Variants in SRF observed in about 807,000 individuals in gnomAD.
SRF encodes c-fos serum response element-binding transcription factor.
Under a neutral mutation model 37.1 loss-of-function variants are expected in SRF, and 7 were observed. That is an observed-to-expected ratio of 0.19 (90% CI 0.11 to 0.35). The LOEUF (loss-of-function observed/expected upper bound fraction) is 0.35. Ranked by LOEUF, SRF falls within the 10% of genes least tolerant of loss-of-function variation. SRF has a pLI of 1.00. For missense variants in SRF, 395 were observed against 694.4 expected, an observed-to-expected ratio of 0.57 and a Z score of 4.85; for synonymous variants, 285 against 310.1, an observed-to-expected ratio of 0.92 and a Z score of 0.85.
In SRF at chr6:43,171,727, G is replaced by A. The variant is rs1283795524; in HGVS notation, c.71G>A (p.Arg24Gln). Reference sequence around the variant, plus strand: ...TCGGCCCTGGGGGGCAGCCTGAACCGGACCCCGACGGGGCGGCCGGGCGGC... The same window carrying A: ...TCGGCCCTGGGGGGCAGCCTGAACCAGACCCCGACGGGGCGGCCGGGCGGC... ...RGSALGGSLN[R>Q]TPTGRPGGGG... The change falls in exon 1 of 7, where the codon CGG becomes CAG. Residue 24 changes from arginine to glutamine, a missense_variant. This residue lies in a region of SRF where 134 missense variants were observed against 204.5 expected (regional missense o/e 0.66). Coordinates refer to ENST00000265354, the MANE Select transcript of SRF (RefSeq NM_003131.4). The surrounding 1 kb of genome is among the most constrained non-coding windows in gnomAD (Gnocchi z 6.5). The A allele has an allele frequency of 1.7e-6, 2 of 1,203,706 alleles. No individual in the cohort carries two copies. The highest frequency in any genetic ancestry group is 2.1e-6 in the Non-Finnish European group (2 of 969,470). The allele number at this position is 1,203,706 out of a possible 1,614,324, so 74.6% of individuals were successfully genotyped here.
chr6:43,175,579 G>A, intron 2 of SRF, 127 bp from the exon 3 acceptor site: 1 of 1,247,442 alleles, frequency 8.0e-7, no homozygotes, highest in Non-Finnish European at 1.1e-6. Context: ...CAGGCATCAG[G>A]TAAATGGTGG....
At position 43,180,146 on chromosome 6, in the gene SRF, G is replaced by C. The variant is rs1772282231; in HGVS notation, c.*956G>C. On this transcript the variant is annotated 3_prime_UTR_variant, in exon 7 of 7. Transcript: ENST00000265354. ...GGGTTGTTTCCAGGAGAAAGCCGGG[G>C]GAGGGGCCCTCAGGCCATTCCCCAA... 2.0e-5 allele frequency: 3 copies of C among 152,404 alleles called. No homozygotes were observed. The South Asian group carries it at 6.2e-4, about 32-fold the overall frequency. 9.4% of individuals were successfully genotyped at this position (152,404 alleles called of 1,614,324 possible).
chr6:43,174,594 G>A (rs1692009936), intron 2 of SRF, among the ~76,000 whole-genome samples: 1 of 152,238 alleles, frequency 6.6e-6, no homozygotes, highest in South Asian at 2.1e-4. Flanking sequence ...GTTAGGGAGC[G>A]CATTTGCCTG....
Position 43,179,001 on chromosome 6 carries a change from C to T in SRF, c.1432-94C>T, listed in dbSNP as rs1389579579. The T allele has an allele frequency of 2.5e-6, 4 of 1,570,700 alleles. No individual in the cohort carries two copies. Among genetic ancestry groups the T allele is most frequent in the East Asian group, 4.5e-5 (2 of 44,632 alleles). On this transcript the variant is annotated intron_variant, in intron 6 of 6. Transcript: ENST00000265354. This position sits in a 1 kb window ranked among gnomAD's most constrained non-coding sequence, Gnocchi z 5.3. ...CTAGCCTGGAAGCCCATCTGCTTTT[C>T]TGCTCAGGCCTGTGGTTGGCAGGCA... is the stretch of plus-strand genomic sequence containing the variant.
rs1772204769 is a variant in SRF at position 43,176,706 on chromosome 6, C to G, written c.1162+39C>G. 1 of 1,602,554 alleles carries G rather than the reference C, an allele frequency of 6.2e-7. No homozygotes were observed. Among genetic ancestry groups the G allele is most frequent in the South Asian group, 1.1e-5 (1 of 90,222 alleles). On this transcript the variant is annotated intron_variant, in intron 4 of 6. Coordinates refer to ENST00000265354, the MANE Select transcript of SRF (RefSeq NM_003131.4). This position sits in a 1 kb window ranked among gnomAD's most constrained non-coding sequence, Gnocchi z 4.0. ...CCCTGTCACCCTCCCTCCCTGCCTT[C>G]CCCCACGAGGCCTAGCAGTAGGTGC... is the stretch of plus-strand genomic sequence containing the variant.
rs544658252 is a variant in SRF, at chr6:43,177,228, G to GTTTTTTTTTTTTTT, written c.1162+565_1162+578dup. 4.2e-3 allele frequency among the ~76,000 whole-genome samples: 490 copies of GTTTTTTTTTTTTTT among 116,682 alleles called. 45 individuals carry two copies. Among genetic ancestry groups the GTTTTTTTTTTTTTT allele is most frequent in the East Asian group, 0.015 (54 of 3,674 alleles). The allele number at this position is 116,682 out of a possible 152,430, so 76.5% of individuals were successfully genotyped here. On this transcript the variant is annotated intron_variant, in intron 4 of 6. Transcript: ENST00000265354. ...CCCCAAACCTAGTGAATCGGAGTCT[G>GTTTTTTTTTTTTTT]TTTTTTTTTTTTTTTTTGAGACGGA...
rs1041530719 is a variant in SRF at position 43,173,354 on chromosome 6, G to A, written c.514-493G>A. Among the ~76,000 whole-genome samples the A allele has an allele frequency of 6.6e-6, 1 of 152,200 alleles. No homozygotes were observed. The highest frequency in any genetic ancestry group is 2.4e-5 in the African/African-American group (1 of 41,448). ...GGCAGTAAAGTATTACAGGGCAAAA[G>A]GAGAAACTAGGCTGTGGCAACAAGT... On this transcript the variant is annotated intron_variant, in intron 1 of 6. Transcript: ENST00000265354. This position sits in a 1 kb window ranked among gnomAD's most constrained non-coding sequence, Gnocchi z 4.2.
In SRF at chr6:43,178,811, G is replaced by C. The variant is rs761326401; in HGVS notation, c.1360G>C (p.Val454Leu). The part of the protein sequence containing the change: ...SHSQVQEPGG[V>L]PQVFLTASSG... ...CCTGTGGTTTTCCAATGTAGGTGGC[G>C]TCCCCCAGGTGTTCCTGACAGCATC... Residue 454 changes from valine (V) to leucine (L), a missense_variant, in exon 6 of 7, where the codon GTC becomes CTC. Around this residue, in one of 4 missense-constraint regions of SRF, gnomAD observed 232 missense variants for 335.6 expected, o/e 0.69. Transcript: ENST00000265354. This position sits in a 1 kb window ranked among gnomAD's most constrained non-coding sequence, Gnocchi z 4.3. The C allele has an allele frequency of 1.2e-6, 2 of 1,614,114 alleles. No individual in the cohort carries two copies. The highest frequency in any genetic ancestry group is 2.2e-5 in the East Asian group (1 of 44,888).
rs770931382 is a variant in SRF, at chr6:43,178,763, T to C, written c.1355-43T>C. The C allele has an allele frequency of 1.2e-6, 2 of 1,602,660 alleles. No individual in the cohort carries two copies. The highest frequency in any genetic ancestry group is 3.3e-5 in the Admixed American group (2 of 60,022). ...CACCACTCCTCCAATATCTGGAAGT[T>C]TCAACAAACAATTTGAGTATCTCCT... On this transcript the variant is annotated intron_variant, in intron 5 of 6. Coordinates refer to ENST00000265354, the MANE Select transcript of SRF (RefSeq NM_003131.4). The surrounding 1 kb of genome is among the most constrained non-coding windows in gnomAD (Gnocchi z 4.3).
rs763641879 is a variant in SRF, at chr6:43,178,477, A to G, written c.1346A>G (p.Gln449Arg). 1 of 1,613,272 alleles carries G rather than the reference A, an allele frequency of 6.2e-7. No homozygotes were observed. The highest frequency in any genetic ancestry group is 1.1e-5 in the South Asian group (1 of 91,058). ...ATGCAGGTGTCACACAGCCAGGTCC[A>G]GGAGCCAGGTGAGTAGAGGAGCAGG... ...STMQVSHSQV[Q>R]EPGGVPQVFL... Residue 449 changes from glutamine (Q) to arginine (R), a missense_variant, in exon 5 of 7, where the codon CAG (glutamine) becomes CGG (arginine). Physicochemically the swap from Gln to Arg is conservative, Grantham distance 43 (BLOSUM62 1). This residue lies in a region of SRF where 232 missense variants were observed against 335.6 expected (regional missense o/e 0.69). Transcript: ENST00000265354. The surrounding 1 kb of genome is among the most constrained non-coding windows in gnomAD (Gnocchi z 4.3).
rs1039357400 is a variant in SRF, at chr6:43,172,384, G to T, written c.513+215G>T. On this transcript the variant is annotated intron_variant, in intron 1 of 6. Transcript: ENST00000265354. This position sits in a 1 kb window ranked among gnomAD's most constrained non-coding sequence, Gnocchi z 5.7. ...GGAGATCCCGCGAACGCTCGCAACCGTGGGGAAAGGCGCAGAGGTGGGAGT... is the reference window on the plus strand; with the variant it reads ...GGAGATCCCGCGAACGCTCGCAACCTTGGGGAAAGGCGCAGAGGTGGGAGT... 1.0e-6 allele frequency: 1 copy of T among 985,280 alleles called. No homozygotes were observed. Among genetic ancestry groups the T allele is most frequent in the African/African-American group, 1.7e-5 (1 of 57,242 alleles). 61.0% of individuals were successfully genotyped at this position (985,280 alleles called of 1,614,324 possible).
At position 43,178,772 on chromosome 6, in the gene SRF, CA is replaced by C; in HGVS notation, c.1355-32del. ...TCCAATATCTGGAAGTTTCAACAAA[CA>C]ATTTGAGTATCTCCTGTGGTTTTCC... On this transcript the variant is annotated intron_variant, in intron 5 of 6. Coordinates refer to ENST00000265354, the MANE Select transcript of SRF (RefSeq NM_003131.4). This position sits in a 1 kb window ranked among gnomAD's most constrained non-coding sequence, Gnocchi z 4.3. 1 of 1,609,248 alleles carries C rather than the reference CA, an allele frequency of 6.2e-7. No homozygotes were observed. Among genetic ancestry groups the C allele is most frequent in the African/African-American group, 1.3e-5 (1 of 74,936 alleles).
At chr6:43,175,145 A>G (rs1450967687) in intron 2 of SRF, among the ~76,000 whole-genome samples, 3 of 152,222 alleles carry the variant, frequency 2.0e-5, no homozygotes, top group Non-Finnish European at 4.4e-5. Context: ...CTCAGTTCCT[A>G]TCTCAGAAGC....
In SRF at chr6:43,176,039, G is replaced by A. The variant is rs1582255078; in HGVS notation, c.1042+72G>A. 3 of 1,560,386 alleles carry A rather than the reference G, an allele frequency of 1.9e-6. No individual in the cohort carries two copies. The highest frequency in any genetic ancestry group is 2.1e-4 in the Middle Eastern group (1 of 4,780). On this transcript the variant is annotated intron_variant, in intron 3 of 6. Transcript: ENST00000265354. This position sits in a 1 kb window ranked among gnomAD's most constrained non-coding sequence, Gnocchi z 4.0. ...CAAGCATGCTAAGAGTGTGTTTAGGGCTGGCACCAAGAGAACCTCTTTCCC... is the reference window on the plus strand; with the variant it reads ...CAAGCATGCTAAGAGTGTGTTTAGGACTGGCACCAAGAGAACCTCTTTCCC...
Position 43,178,300 on chromosome 6 carries a change from T to C in SRF, c.1169T>C (p.Leu390Pro). 1 of 1,596,552 alleles carries C rather than the reference T, an allele frequency of 6.3e-7. No individual in the cohort carries two copies. Among genetic ancestry groups the C allele is most frequent in the Non-Finnish European group, 8.6e-7 (1 of 1,166,026 alleles). Residue 390 changes from leucine to proline, a missense_variant, in exon 5 of 7, where the codon CTG (leucine) becomes CCG (proline). Coordinates refer to ENST00000265354, the MANE Select transcript of SRF (RefSeq NM_003131.4). The surrounding 1 kb of genome is among the most constrained non-coding windows in gnomAD (Gnocchi z 4.3). ...ACATGTCTGTGTTTGCCAGTGACGC[T>C]GCCCGCCACCATCATGACGTCATCC... ...TQTSSSGTVT[L>P]PATIMTSSVP...
In SRF at chr6:43,173,392, AG is replaced by A. The variant is rs1177236661; in HGVS notation, c.514-454del. On this transcript the variant is annotated intron_variant, in intron 1 of 6. Coordinates refer to ENST00000265354, the MANE Select transcript of SRF (RefSeq NM_003131.4). The surrounding 1 kb of genome is among the most constrained non-coding windows in gnomAD (Gnocchi z 4.2). Reference sequence around the variant, plus strand: ...TGTGGCAACAAGTTGGAGCCTGTGCAGTTTCTGGAAAGAAACATGGGACAGT... The same window carrying A: ...TGTGGCAACAAGTTGGAGCCTGTGCATTTCTGGAAAGAAACATGGGACAGT... Among the ~76,000 whole-genome samples the A allele has an allele frequency of 6.6e-6, 1 of 152,238 alleles. No homozygotes were observed. The highest frequency in any genetic ancestry group is 2.4e-5 in the African/African-American group (1 of 41,464).
chr6:43,177,493 G>A (rs988086375), intron 4 of SRF, among the ~76,000 whole-genome samples: 2 of 151,154 alleles, frequency 1.3e-5, no homozygotes, highest in Admixed American at 6.6e-5. Context: ...GCCTCTCAAA[G>A]TGCTGGGATT....
chr6:43,171,526 C>A lies in SRF; in HGVS notation c.-131C>A. On this transcript the variant is annotated 5_prime_UTR_variant, in exon 1 of 7. Transcript: ENST00000265354. This position sits in a 1 kb window ranked among gnomAD's most constrained non-coding sequence, Gnocchi z 6.5. ...GCGTGCAGGGGCCCCGGGTTCGCAG[C>A]GGCGGCCGCGGCAGCGATAGCGGCA... 9.7e-7 allele frequency: 1 copy of A among 1,035,914 alleles called. No individual in the cohort carries two copies. Among genetic ancestry groups the A allele is most frequent in the Non-Finnish European group, 1.2e-6 (1 of 825,330 alleles). 64.2% of individuals were successfully genotyped at this position (1,035,914 alleles called of 1,614,324 possible).
chr6:43,178,621 C>A lies in SRF; in HGVS notation c.1354+136C>A. The stretch of plus-strand genomic sequence containing the variant: ...AATACAACACAGACTTGGATGCTCA[C>A]ACACACATTTGGACACCCCACTTGG... On this transcript the variant is annotated intron_variant, in intron 5 of 6. Coordinates refer to ENST00000265354, the MANE Select transcript of SRF (RefSeq NM_003131.4). This position sits in a 1 kb window ranked among gnomAD's most constrained non-coding sequence, Gnocchi z 4.3. 1 of 1,330,544 alleles carries A rather than the reference C, an allele frequency of 7.5e-7. No homozygotes were observed. Among genetic ancestry groups the A allele is most frequent in the Non-Finnish European group, 1.0e-6 (1 of 952,688 alleles). The allele number at this position is 1,330,544 out of a possible 1,614,324, so 82.4% of individuals were successfully genotyped here.
Sources: gnomAD v4.1 joint callset for allele counts (sites outside exome capture counted in the v4.1 genomes callset) on GRCh38, gnomAD v4.1.1 for gene constraint, gnomAD v4.1.1 regional missense constraint, Gnocchi (gnomAD v3.1) non-coding constraint, MANE v1.5 for transcripts, NCBI Gene and HGNC (gene_info 2026-07-23, HGNC 2026-07-21) for gene names.